Variants in SYNC observed in about 807,000 individuals in gnomAD.
The protein encoded by SYNC is syncoilin, intermediate filament protein, also known as syncoilin.
SYNC carries 38 observed loss-of-function variants against 49.5 expected under a neutral mutation model. That is an observed-to-expected ratio of 0.77 (90% confidence interval 0.59 to 1.01). The LOEUF (loss-of-function observed/expected upper bound fraction) is 1.01. Among genes scored for constraint, SYNC ranks in the 50% least tolerant of loss-of-function variants. The pLI is 0.00. For missense variants in SYNC, 579 were observed against 580.6 expected (o/e 1.00, Z 0.03); for synonymous variants, 201 against 230.8 (o/e 0.87, Z 1.17).
chr1:32,694,365 G>A (rs1303494783), intron 2 of SYNC, among the ~76,000 whole-genome samples: 1 of 148,154 alleles, frequency 6.7e-6, no homozygotes, highest in Admixed American at 6.8e-5. Context: ...AAAAAAAACA[G>A]AGTGCAGGCC....
intron 1 of SYNC, among the ~76,000 whole-genome samples, chr1:32,697,503 G>A (rs1034162359): frequency 3.3e-5 from 5 of 151,346 alleles, no homozygotes; most frequent in African/African-American, 1.2e-4. Flanking sequence ...AGCACTTTGG[G>A]AGGCCAAGAC....
rs1650348083 is a variant in SYNC, at chr1:32,695,122, C to T, written c.976G>A (p.Ala326Thr). 2.5e-6 allele frequency: 4 copies of T among 1,611,830 alleles called. No homozygotes were observed. In the East Asian group the frequency reaches 8.9e-5, roughly 36 times the overall value. ...TCTGCCATGAGATTTTCAAACTGGG[C>T]AGAGAGTCGCCGGCTTTCCTGGAGA... ...HFLQESRRLS[A>T]QFENLMAESR... Residue 326 changes from alanine to threonine, a missense_variant, in exon 2 of 5, where the codon GCC (alanine) becomes ACC (threonine). By Grantham distance (58) the Ala-to-Thr change is moderately conservative. Coordinates refer to ENST00000409190, the MANE Select transcript of SYNC (RefSeq NM_030786.3).
intron 1 of SYNC, among the ~76,000 whole-genome samples, chr1:32,701,395 TAGTG>T (rs1460607832): frequency 6.6e-6 from 1 of 152,148 alleles, no homozygotes; most frequent in African/African-American, 2.4e-5. Context: ...GTCTCCCTGA[TAGTG>T]AGTTTCCTAA....
chr1:32,689,785 A>G (rs1306064486), intron 2 of SYNC, among the ~76,000 whole-genome samples: 1 of 151,986 alleles, frequency 6.6e-6, no homozygotes, highest in Non-Finnish European at 1.5e-5. Flanking sequence ...TACTAAAAAT[A>G]CAAAAATTAG....
chr1:32,690,542 G>A (rs977010975), intron 2 of SYNC, among the ~76,000 whole-genome samples: 36 of 152,146 alleles, frequency 2.4e-4, no homozygotes, highest in African/African-American at 7.7e-4. Context: ...CTACTTGGGA[G>A]GCTGAGGCAG....
intron 4 of SYNC, chr1:32,682,088 A>G (rs897295616): frequency 3.8e-6 from 2 of 519,588 alleles, no homozygotes; most frequent in Non-Finnish European, 6.8e-6. Context: ...AGGTATAATT[A>G]CAATGCCTGA....
rs1251579557 is a variant in SYNC, at chr1:32,695,466, A to AC, written c.631dup (p.Val211GlyfsTer119). The AC allele has an allele frequency of 6.4e-7, 1 of 1,550,542 alleles. No homozygotes were observed. Among genetic ancestry groups the AC allele is most frequent in the Non-Finnish European group, 8.7e-7 (1 of 1,146,778 alleles). ...CAGGATGTCTTGATGGACTTGCTGT[A>AC]CCTCCTGCAGGGCTGGTTCCCGGAG... is the stretch of plus-strand genomic sequence containing the variant. On this transcript the variant is annotated frameshift_variant, in exon 2 of 5. Transcript: ENST00000409190. LOFTEE classifies it high-confidence loss of function.
intron 2 of SYNC, among the ~76,000 whole-genome samples, chr1:32,693,273 G>C (rs574417136): frequency 1.2e-3 from 187 of 152,076 alleles, no homozygotes; most frequent in Non-Finnish European, 2.1e-3. Flanking sequence ...AGTAGAGACG[G>C]GGTTTCACCA....
chr1:32,691,224 CA>C (rs989339096), intron 2 of SYNC, among the ~76,000 whole-genome samples: 1 of 132,482 alleles, frequency 7.5e-6, no homozygotes, highest in Non-Finnish European at 1.6e-5. Flanking sequence ...TCTCAAAAAA[CA>C]AAAAAAAACA....
Position 32,680,426 on chromosome 1 carries a change from T to G in SYNC, c.*1424A>C, listed in dbSNP as rs959987695. 2 of 1,356,252 alleles carry G rather than the reference T, an allele frequency of 1.5e-6. No individual in the cohort carries two copies. The highest frequency in any genetic ancestry group is 3.1e-5 in the African/African-American group (2 of 65,440). 84.0% of individuals were successfully genotyped at this position (1,356,252 alleles called of 1,614,324 possible). A position where few individuals can be genotyped will look rare whatever the true frequency, so the allele number is the denominator to read the frequency against. ...GATGTATGTTTTTACCTGACAGTTA[T>G]ACCACAGGTAGACTGTCAAGTTGAG... On this transcript the variant is annotated 3_prime_UTR_variant, in exon 5 of 5. Transcript: ENST00000409190.
At chr1:32,693,985 C>CACCT in intron 2 of SYNC, among the ~76,000 whole-genome samples, 1 of 152,098 alleles carries the variant, frequency 6.6e-6, no homozygotes, top group Non-Finnish European at 1.5e-5. Flanking sequence ...ACCTATAATC[C>CACCT]TAGCTCTTTG....
In SYNC at chr1:32,680,143, A is replaced by G. The variant is rs1270166935; in HGVS notation, c.*1707T>C. Reference sequence around the variant, plus strand: ...GGAAATAGGGGGAGATTCAAGTCATATAGATTCCTACTCGAAAATCTTGAC... The same window carrying G: ...GGAAATAGGGGGAGATTCAAGTCATGTAGATTCCTACTCGAAAATCTTGAC... On this transcript the variant is annotated 3_prime_UTR_variant, in exon 5 of 5. Coordinates refer to ENST00000409190, the MANE Select transcript of SYNC (RefSeq NM_030786.3). 5 of 1,075,290 alleles carry G rather than the reference A, an allele frequency of 4.6e-6. No individual in the cohort carries two copies. Among genetic ancestry groups the G allele is most frequent in the Admixed American group, 1.0e-4 (2 of 19,560 alleles). The allele number at this position is 1,075,290 out of a possible 1,614,324, so 66.6% of individuals were successfully genotyped here. A position where few individuals can be genotyped will look rare whatever the true frequency, so the allele number is the denominator to read the frequency against.
intron 2 of SYNC, among the ~76,000 whole-genome samples, chr1:32,687,873 G>A (rs529882714): frequency 1.7e-4 from 1 of 5,752 alleles, no homozygotes; most frequent in Non-Finnish European, 1.3e-3. Flanking sequence ...TTTTTGAGAT[G>A]GAGTCTTGCT....
At chr1:32,688,802 C>T (rs1650017725) in intron 2 of SYNC, among the ~76,000 whole-genome samples, 1 of 151,804 alleles carries the variant, frequency 6.6e-6, no homozygotes, top group South Asian at 2.1e-4. Context: ...AGGATGGTCT[C>T]GATCTCCTGA....
intron 2 of SYNC, among the ~76,000 whole-genome samples, chr1:32,691,931 C>A (rs908138744): frequency 6.6e-6 from 1 of 151,994 alleles, no homozygotes; most frequent in African/African-American, 2.4e-5. Flanking sequence ...ATTTAACCAG[C>A]GCCTAAAAAT....
chr1:32,699,764 C>T (rs572050245), intron 1 of SYNC, among the ~76,000 whole-genome samples: 1 of 148,480 alleles, frequency 6.7e-6, no homozygotes, highest in African/African-American at 2.5e-5. Context: ...GCCAGAGTCT[C>T]GCTCTGTTGC....
At chr1:32,694,483 ACT>A (rs1650308499) in intron 2 of SYNC, among the ~76,000 whole-genome samples, 1 of 151,386 alleles carries the variant, frequency 6.6e-6, no homozygotes, top group South Asian at 2.1e-4. Context: ...TGAAACCCCG[ACT>A]CTACTAAAAA....
At position 32,702,158 on chromosome 1, in the gene SYNC, A is replaced by G. The variant is rs535939465; in HGVS notation, c.53+450T>C. On this transcript the variant is annotated intron_variant, in intron 1 of 4. Coordinates refer to ENST00000409190, the MANE Select transcript of SYNC (RefSeq NM_030786.3). This position sits in a 1 kb window ranked among gnomAD's most constrained non-coding sequence, Gnocchi z 6.2. ...CCCCACCCATCCCAGGCCAGACGGG[A>G]GAGAACAAGCCCTGACAGACTCTTA... Among the ~76,000 whole-genome samples the G allele has an allele frequency of 2.0e-5, 3 of 152,268 alleles. No homozygotes were observed. The highest frequency in any genetic ancestry group is 7.2e-5 in the African/African-American group (3 of 41,564).
chr1:32,680,242 A>G lies in SYNC; in HGVS notation c.*1608T>C. The G allele has an allele frequency of 8.5e-7, 1 of 1,172,052 alleles. No individual in the cohort carries two copies. The highest frequency in any genetic ancestry group is 1.1e-6 in the Non-Finnish European group (1 of 948,466). The allele number at this position is 1,172,052 out of a possible 1,614,324, so 72.6% of individuals were successfully genotyped here. A position where few individuals can be genotyped will look rare whatever the true frequency, so the allele number is the denominator to read the frequency against. On this transcript the variant is annotated 3_prime_UTR_variant, in exon 5 of 5. Coordinates refer to ENST00000409190, the MANE Select transcript of SYNC (RefSeq NM_030786.3). ...TGGTTTCTTCAGTTAAGTCAAAACA[A>G]CACGTTCCTCTTTCCCCATATATTC...
Sources: allele counts gnomAD v4.1 joint callset (sites outside exome capture counted in the v4.1 genomes callset), GRCh38; gene constraint gnomAD v4.1.1; non-coding constraint Gnocchi (gnomAD v3.1); transcripts MANE v1.5; gene names NCBI Gene and HGNC (gene_info 2026-07-23, HGNC 2026-07-21).